Variants in APBB2 observed in about 807,000 individuals in gnomAD.
APBB2 encodes Fe65-like 1.
APBB2 carries 38 observed loss-of-function variants against 82.5 expected under a neutral mutation model. The ratio of observed to expected loss-of-function variants is 0.46; its 90% CI spans 0.36 to 0.60. The LOEUF is 0.60. APBB2 is among the 20% of genes least tolerant of loss of function. The probability of loss-of-function intolerance (pLI) is 0.00; values close to 1 mark genes in which losing one functional copy is unlikely to be tolerated. For missense variants in APBB2, 772 were observed against 972.3 expected, an observed-to-expected ratio of 0.79 and a Z score of 2.74; for synonymous variants, 341 against 368.2, an observed-to-expected ratio of 0.93 and a Z score of 0.85.
rs200300140 is a variant in APBB2 at position 41,014,238 on chromosome 4, G to C, written c.180C>G (p.Asn60Lys). Residue 60 changes from asparagine to lysine, a missense_variant, in exon 6 of 18, where the codon AAC (asparagine) becomes AAG (lysine). Coordinates refer to ENST00000508593, the MANE Select transcript of APBB2 (RefSeq NM_004307.2). ...NAEIKHTETK[N>K]STPPKCRKKY... ...TTTTCCTGCATTTGGGAGGTGTGCT[G>C]TTCTTGGTTTCTGTGTGTTTTATTT... The C allele has an allele frequency of 2.5e-5, 41 of 1,614,200 alleles. 1 individual carries two copies. The East Asian group carries it at 8.9e-4, about 35-fold the overall frequency.
chr4:41,155,056 A>G (rs1184361342), intron 1 of APBB2, among the ~76,000 whole-genome samples: 1 of 152,214 alleles, frequency 6.6e-6, no homozygotes, highest in African/African-American at 2.4e-5. Context: ...TTGAACAAAG[A>G]CTTAAAATTA....
intron 6 of APBB2, among the ~76,000 whole-genome samples, chr4:41,000,230 C>A (rs1434152199): frequency 6.6e-6 from 1 of 151,420 alleles, no homozygotes; most frequent in Admixed American, 6.6e-5. Flanking sequence ...CCACTGCACA[C>A]CAGCCTGGGC....
chr4:41,111,280 C>T (rs752843576), intron 2 of APBB2, among the ~76,000 whole-genome samples: 6 of 152,198 alleles, frequency 3.9e-5, no homozygotes, highest in Non-Finnish European at 7.3e-5. Flanking sequence ...CACTCCAAAA[C>T]TTAGGGGTTG....
intron 12 of APBB2, among the ~76,000 whole-genome samples, chr4:40,857,755 C>T (rs1019501004): frequency 2.0e-5 from 3 of 151,826 alleles, no homozygotes; most frequent in African/African-American, 7.3e-5. Flanking sequence ...CAGGGGTGAG[C>T]CACCGCACCA....
At chr4:41,193,650 C>T in intron 1 of APBB2, 8 of 773,526 alleles carry the variant, frequency 1.0e-5, no homozygotes, top group Non-Finnish European at 1.3e-5. Context: ...GCAGGTCTCC[C>T]AGGACCCAGT....
chr4:41,213,885 C>G (rs1280507227), intron 1 of APBB2, among the ~76,000 whole-genome samples: 1 of 152,238 alleles, frequency 6.6e-6, no homozygotes. Context: ...CTCCAACTCC[C>G]CGGCAGGAGC....
intron 2 of APBB2, among the ~76,000 whole-genome samples, chr4:41,115,368 C>T (rs1281491545): frequency 6.6e-6 from 1 of 152,058 alleles, no homozygotes; most frequent in African/African-American, 2.4e-5. Context: ...TCATAAAAAC[C>T]CTAGAAGAAA....
intron 1 of APBB2, among the ~76,000 whole-genome samples, chr4:41,159,952 A>G (rs13102536): frequency 0.1 from 5,322 of 52,792 alleles, 724 homozygotes; most frequent in Middle Eastern, 0.13. Flanking sequence ...GGAGAAGGAG[A>G]AGGAGAAGGA....
At chr4:41,193,133 T>C (rs1292714233) in intron 1 of APBB2, among the ~76,000 whole-genome samples, 1 of 152,270 alleles carries the variant, frequency 6.6e-6, no homozygotes, top group African/African-American at 2.4e-5. Flanking sequence ...TCACCTATTT[T>C]ATGCGCTAAA....
intron 12 of APBB2, among the ~76,000 whole-genome samples, chr4:40,837,959 T>C (rs1052573170): frequency 1.3e-5 from 2 of 152,100 alleles, no homozygotes; most frequent in Non-Finnish European, 2.9e-5. Flanking sequence ...AGAGTTTTGC[T>C]GGAGAAAAAT....
chr4:41,071,868 C>A lies in APBB2; in HGVS notation c.-148-6195G>T, dbSNP rs1579771974. ...TCAGAGAATCCAGAATATGATTAAT[C>A]TTTGTTTGGTGACACAGGATCATCA... On this transcript the variant is annotated intron_variant, in intron 3 of 17. Transcript: ENST00000508593. 2.0e-5 allele frequency among the ~76,000 whole-genome samples: 3 copies of A among 152,018 alleles called. No homozygotes were observed. The South Asian group carries it at 6.2e-4, about 32-fold the overall frequency.
At chr4:41,049,536 C>A (rs1161317556) in intron 4 of APBB2, among the ~76,000 whole-genome samples, 3 of 146,418 alleles carry the variant, frequency 2.0e-5, no homozygotes, top group East Asian at 2.0e-4. Context: ...CGGCCAGCCG[C>A]CCCGTCCGGG....
At chr4:40,982,757 C>T (rs1444284382) in intron 6 of APBB2, among the ~76,000 whole-genome samples, 5 of 150,922 alleles carry the variant, frequency 3.3e-5, no homozygotes, top group Non-Finnish European at 7.4e-5. Context: ...CGCCACTGCA[C>T]ACCAGCCTGG....
intron 2 of APBB2, among the ~76,000 whole-genome samples, chr4:41,107,236 G>A (rs756253441): frequency 1.1e-4 from 16 of 152,086 alleles, no homozygotes; most frequent in Non-Finnish European, 2.1e-4. Context: ...TCTTGAACCT[G>A]GGAGACGGAG....
Position 40,934,470 on chromosome 4 carries a change from C to T in APBB2, c.1240G>A (p.Asp414Asn), listed in dbSNP as rs1369265932. ...DDDDSCSINSDPEAKCFAVRS... is the reference protein window; with the variant it reads ...DDDDSCSINSNPEAKCFAVRS... ...TCTTTACAAACCTTGGCTTCTGGGT[C>T]ACTGTTGATACTACAAGAATCATCA... The change falls in exon 10 of 18, where the codon GAC (aspartate) becomes AAC (asparagine). Residue 414 changes from aspartate (D) to asparagine (N), a missense_variant. Coordinates refer to ENST00000508593, the MANE Select transcript of APBB2 (RefSeq NM_004307.2). 6 of 1,614,110 alleles carry T rather than the reference C, an allele frequency of 3.7e-6. No individual in the cohort carries two copies. Among genetic ancestry groups the T allele is most frequent in the Non-Finnish European group, 5.1e-6 (6 of 1,180,006 alleles).
At chr4:40,993,560 T>C (rs1379570953) in intron 6 of APBB2, among the ~76,000 whole-genome samples, 2 of 151,796 alleles carry the variant, frequency 1.3e-5, no homozygotes, top group African/African-American at 2.4e-5. Flanking sequence ...AATTTTTTGT[T>C]TATTTTTTAT....
chr4:41,084,332 G>A (rs1192386935), intron 3 of APBB2, among the ~76,000 whole-genome samples: 1 of 152,184 alleles, frequency 6.6e-6, no homozygotes, highest in Non-Finnish European at 1.5e-5. Context: ...GCTGAAGCAG[G>A]AGACTTGCTT....
chr4:41,211,277 ATAC>A (rs926256120), intron 1 of APBB2, among the ~76,000 whole-genome samples: 4 of 151,654 alleles, frequency 2.6e-5, no homozygotes, highest in Admixed American at 6.6e-5. Context: ...AATAATAATA[ATAC>A]TAGGCACTGA....
At chr4:41,146,593 C>CT (rs1760828895) in intron 1 of APBB2, among the ~76,000 whole-genome samples, 1 of 152,168 alleles carries the variant, frequency 6.6e-6, no homozygotes. Context: ...TAAGAGCAGG[C>CT]TTTTTTCTCT....
Sources: allele counts gnomAD v4.1 joint callset (sites outside exome capture counted in the v4.1 genomes callset), GRCh38; gene constraint gnomAD v4.1.1; transcripts MANE v1.5; gene names NCBI Gene and HGNC (gene_info 2026-07-23, HGNC 2026-07-21).